Variants in RIN2 observed in about 807,000 individuals in gnomAD.
RIN2 encodes Ras and Rab interactor 2.
Under a neutral mutation model 78.0 loss-of-function variants are expected in RIN2, and 36 were observed. The observed-to-expected ratio is 0.46, with a 90% CI of 0.35 to 0.61. The LOEUF (loss-of-function observed/expected upper bound fraction) is 0.61, where lower values mean the gene tolerates loss of function less well. Among genes scored for constraint, RIN2 ranks in the 20% least tolerant of loss-of-function variants. The pLI is 0.00. For synonymous variants in RIN2, 466 were observed against 466.8 expected, an observed-to-expected ratio of 1.00 and a Z score of 0.02; for missense variants, 1,087 against 1,159.7, an observed-to-expected ratio of 0.94 and a Z score of 0.91.
intron 4 of RIN2, chr20:19,935,502 C>A: frequency 8.9e-7 from 1 of 1,119,892 alleles, no homozygotes; most frequent in Non-Finnish European, 1.1e-6. Context: ...AACAGTAATG[C>A]AGCAAGATCC....
intron 2 of RIN2, among the ~76,000 whole-genome samples, chr20:19,851,869 TACA>T (rs1568815892): frequency 1.3e-5 from 2 of 152,148 alleles, no homozygotes; most frequent in African/African-American, 4.8e-5. Flanking sequence ...CTCAGAGGTA[TACA>T]ACAACAAGCA....
intron 9 of RIN2, among the ~76,000 whole-genome samples, chr20:19,978,369 C>G (rs1421183695): frequency 6.6e-6 from 1 of 152,088 alleles, no homozygotes; most frequent in African/African-American, 2.4e-5. Flanking sequence ...GCACATGTAT[C>G]CCTTTAGTAT....
Position 20,000,752 on chromosome 20 carries a change from G to A in RIN2, c.2504G>A (p.Ser835Asn). The A allele has an allele frequency of 6.2e-7, 1 of 1,613,996 alleles. No homozygotes were observed. The change falls in exon 13 of 13, where the codon AGC becomes AAC. Residue 835 changes from serine (S) to asparagine (N), a missense_variant. Coordinates refer to ENST00000255006, the MANE Select transcript of RIN2 (RefSeq NM_018993.4). ...AAGGTGGGGGACCCTGAGGAGTACA[G>A]CCTCTTTCTCTTCGTTGACGAGACA... ...KFKVGDPEEY[S>N]LFLFVDETWQ...
At chr20:19,773,762 C>A (rs758509220) in intron 1 of RIN2, among the ~76,000 whole-genome samples, 2 of 151,686 alleles carry the variant, frequency 1.3e-5, no homozygotes, top group Non-Finnish European at 2.9e-5. Flanking sequence ...GCATGAGAGG[C>A]CAAATGACTG....
chr20:19,915,095 T>C (rs2039629492), intron 3 of RIN2, among the ~76,000 whole-genome samples: 2 of 152,178 alleles, frequency 1.3e-5, no homozygotes, highest in African/African-American at 4.8e-5. Flanking sequence ...GATTTCCTGC[T>C]CTGAATTTAT....
Position 19,975,209 on chromosome 20 carries a change from G to A in RIN2, c.1184G>A (p.Ser395Asn), listed in dbSNP as rs924385808. The A allele has an allele frequency of 3.4e-5, 55 of 1,595,742 alleles. No individual in the cohort carries two copies. Among genetic ancestry groups the A allele is most frequent in the Non-Finnish European group, 4.3e-5 (50 of 1,171,462 alleles). Residue 395 changes from serine (S) to asparagine (N), a missense_variant, in exon 9 of 13, where the codon AGC becomes AAC. Transcript: ENST00000255006. The surrounding 1 kb of genome is among the most constrained non-coding windows in gnomAD (Gnocchi z 4.9). ...GPELELGTAGSPGGAPPEAAP... is the reference protein window; with the variant it reads ...GPELELGTAGNPGGAPPEAAP... ...GAGCTGGAGCTGGGCACAGCTGGCA[G>A]CCCAGGTGGGGCCCCGCCTGAGGCC...
intron 2 of RIN2, among the ~76,000 whole-genome samples, chr20:19,885,164 T>C (rs757784295): frequency 7.2e-5 from 11 of 152,170 alleles, no homozygotes; most frequent in Middle Eastern, 3.2e-3. Flanking sequence ...TCCAATATAA[T>C]TGCTTTTGCT....
chr20:19,944,215 G>A (rs1313190682), intron 4 of RIN2, among the ~76,000 whole-genome samples: 2 of 151,958 alleles, frequency 1.3e-5, no homozygotes, highest in Non-Finnish European at 2.9e-5. Flanking sequence ...GATATCTTCA[G>A]TATGGGCCAT....
intron 1 of RIN2, among the ~76,000 whole-genome samples, chr20:19,795,360 T>A (rs1600474257): frequency 6.6e-6 from 1 of 152,218 alleles, no homozygotes; most frequent in Admixed American, 6.5e-5. Context: ...TTTTAGATTG[T>A]TTGGGTTTGG....
chr20:19,928,657 C>G (rs1226203776), intron 3 of RIN2, among the ~76,000 whole-genome samples: 1 of 152,172 alleles, frequency 6.6e-6, no homozygotes, highest in Non-Finnish European at 1.5e-5. Context: ...TTCTCTTGCC[C>G]TTGGCCAGGA....
intron 2 of RIN2, among the ~76,000 whole-genome samples, chr20:19,802,336 C>T (rs554839944): frequency 1.3e-4 from 20 of 152,170 alleles, no homozygotes; most frequent in South Asian, 4.2e-4. Flanking sequence ...AAGAGCTGCC[C>T]CTACCAGGTA....
chr20:19,826,722 G>A (rs181132958), intron 2 of RIN2, among the ~76,000 whole-genome samples: 6 of 152,082 alleles, frequency 3.9e-5, no homozygotes, highest in African/African-American at 7.2e-5. Context: ...AACATCCTGC[G>A]CAGGACAGGC....
At chr20:19,953,800 T>G (rs2041422135) in intron 4 of RIN2, among the ~76,000 whole-genome samples, 1 of 152,210 alleles carries the variant, frequency 6.6e-6, no homozygotes, top group South Asian at 2.1e-4. Context: ...TTACCTTCTA[T>G]GAAAGGAATT....
At chr20:19,921,623 A>G (rs533488287) in intron 3 of RIN2, among the ~76,000 whole-genome samples, 8 of 152,324 alleles carry the variant, frequency 5.3e-5, no homozygotes, top group African/African-American at 1.7e-4. Flanking sequence ...CTCTGGCTCC[A>G]GGAAGAACCC....
rs771058914 is a variant in RIN2 at position 19,889,644 on chromosome 20, G to A, written c.43G>A (p.Gly15Arg). The change falls in exon 3 of 13, where the codon GGA (glycine) becomes AGA (arginine). Residue 15 changes from glycine (G) to arginine (R), a missense_variant. Around this residue, in one of 8 missense-constraint regions of RIN2, gnomAD observed 706 missense variants for 667.5 expected, o/e 1.06. Coordinates refer to ENST00000255006, the MANE Select transcript of RIN2 (RefSeq NM_018993.4). Reference sequence around the variant, plus strand: ...GGGCGCCCGCGGTCTGGACAAGCGAGGAAGTTTCTTTAAGGTAAAAGGAAG... The same window carrying A: ...GGGCGCCCGCGGTCTGGACAAGCGAAGAAGTTTCTTTAAGGTAAAAGGAAG... ...TMGARGLDKR[G>R]SFFKLIDTIA... 4 of 1,521,728 alleles carry A rather than the reference G, an allele frequency of 2.6e-6. No homozygotes were observed. The Admixed American group carries it at 8.6e-5, about 33-fold the overall frequency. The allele number at this position is 1,521,728 out of a possible 1,614,324, so 94.3% of individuals were successfully genotyped here.
At chr20:19,852,603 AGGGATAGT>A (rs1168525344) in intron 2 of RIN2, among the ~76,000 whole-genome samples, 1 of 152,196 alleles carries the variant, frequency 6.6e-6, no homozygotes, top group Non-Finnish European at 1.5e-5. Context: ...CACCTGCCAA[AGGGATAGT>A]GGGCAGGCTG....
intron 2 of RIN2, among the ~76,000 whole-genome samples, chr20:19,858,648 A>G (rs1215529814): frequency 1.3e-5 from 2 of 152,206 alleles, no homozygotes; most frequent in African/African-American, 4.8e-5. Flanking sequence ...CATCTTGATA[A>G]TCCCTTCTTG....
chr20:19,898,426 A>G (rs2123592733), intron 3 of RIN2, among the ~76,000 whole-genome samples: 1 of 152,382 alleles, frequency 6.6e-6, no homozygotes, highest in South Asian at 2.1e-4. Flanking sequence ...AATTTTCAAA[A>G]AGTTAAAATA....
intron 2 of RIN2, among the ~76,000 whole-genome samples, chr20:19,869,217 T>C (rs1425290156): frequency 2.0e-5 from 3 of 152,144 alleles, no homozygotes; most frequent in African/African-American, 7.2e-5. Flanking sequence ...AATAAAGGTT[T>C]GAATGAAATT....
Sources: gnomAD v4.1 joint callset for allele counts (sites outside exome capture counted in the v4.1 genomes callset) on GRCh38, gnomAD v4.1.1 for gene constraint, gnomAD v4.1.1 regional missense constraint, Gnocchi (gnomAD v3.1) non-coding constraint, MANE v1.5 for transcripts, NCBI Gene and HGNC (gene_info 2026-07-23, HGNC 2026-07-21) for gene names.